The following NTRK2 variants were observed in gnomAD, a reference collection of about 807,000 sequenced individuals.
The protein encoded by NTRK2 is neurotrophic receptor tyrosine kinase 2.
A neutral mutation model predicts 94.5 loss-of-function variants in NTRK2; 13 were observed. The observed-to-expected ratio is 0.14, with a 90% confidence interval of 0.09 to 0.22. NTRK2 has a LOEUF of 0.22. Ranked by LOEUF, NTRK2 falls within the 10% of genes least tolerant of loss-of-function variation. The pLI, the probability that NTRK2 is intolerant of heterozygous loss-of-function variation, is 1.00. For missense variants in NTRK2, 639 were observed against 1,071.2 expected (o/e 0.60, Z 5.63); for synonymous variants, 372 against 407.4 (o/e 0.91, Z 1.05).
intron 17 of NTRK2, among the ~76,000 whole-genome samples, chr9:85,000,860 T>C (rs1288357210): frequency 6.6e-6 from 1 of 152,232 alleles, no homozygotes; most frequent in Non-Finnish European, 1.5e-5. Flanking sequence ...AATGGCTGTA[T>C]CATTTTGCAT....
intron 12 of NTRK2, chr9:84,811,476 CCA>C: frequency 9.4e-7 from 1 of 1,065,656 alleles, no homozygotes; most frequent in Non-Finnish European, 1.1e-6. Context: ...CCTCTGCGAT[CCA>C]CCTGCTTTTT....
chr9:85,007,014 A>G (rs909146802), intron 17 of NTRK2, among the ~76,000 whole-genome samples: 3 of 152,228 alleles, frequency 2.0e-5, no homozygotes, highest in Non-Finnish European at 2.9e-5. Context: ...GGGCAACCAC[A>G]TACAATCCAT....
At chr9:84,762,216 A>G (rs567734077) in intron 12 of NTRK2, among the ~76,000 whole-genome samples, 1 of 152,306 alleles carries the variant, frequency 6.6e-6, no homozygotes, top group South Asian at 2.1e-4. Context: ...CAGCATGAGA[A>G]CAGACTAATA....
intron 2 of NTRK2, among the ~76,000 whole-genome samples, chr9:84,684,777 G>T (rs2059607948): frequency 6.6e-6 from 1 of 152,088 alleles, no homozygotes; most frequent in African/African-American, 2.4e-5. Flanking sequence ...TCGTATGTTT[G>T]TAAGTCATTG....
chr9:84,988,899 A>G (rs1470332019), intron 17 of NTRK2, among the ~76,000 whole-genome samples: 3 of 152,252 alleles, frequency 2.0e-5, no homozygotes, highest in Non-Finnish European at 4.4e-5. Flanking sequence ...GGAGTGGCTT[A>G]TCTGACTACA....
chr9:84,891,883 C>T (rs1268835261), intron 14 of NTRK2, among the ~76,000 whole-genome samples: 2 of 151,648 alleles, frequency 1.3e-5, no homozygotes, highest in South Asian at 2.1e-4. Flanking sequence ...ATATAGTCTG[C>T]TTAATAAAAT....
At chr9:84,723,769 A>C (rs1178194390) in intron 7 of NTRK2, 60 bp downstream of exon 7, 2 of 1,602,010 alleles carry the variant, frequency 1.2e-6, no homozygotes, top group East Asian at 4.5e-5. Context: ...GAATGCGAGA[A>C]TGTATTAAAC....
chr9:84,788,086 A>C (rs996160923), intron 12 of NTRK2, among the ~76,000 whole-genome samples: 2 of 152,226 alleles, frequency 1.3e-5, no homozygotes, highest in African/African-American at 4.8e-5. Context: ...GCCATGTATC[A>C]GGTATTACTA....
At chr9:84,874,453 A>C in intron 14 of NTRK2, 1 of 1,065,840 alleles carries the variant, frequency 9.4e-7, no homozygotes, top group Non-Finnish European at 1.1e-6. Flanking sequence ...GCTTCTTCTC[A>C]GATTAATTGT....
At chr9:84,939,303 A>G (rs2078324899) in intron 15 of NTRK2, among the ~76,000 whole-genome samples, 1 of 152,218 alleles carries the variant, frequency 6.6e-6, no homozygotes, top group East Asian at 1.9e-4. Context: ...TTGCCAATGA[A>G]GAAACAGGAA....
intron 14 of NTRK2, among the ~76,000 whole-genome samples, chr9:84,878,847 C>A (rs2076168912): frequency 6.6e-6 from 1 of 152,082 alleles, no homozygotes; most frequent in South Asian, 2.1e-4. Flanking sequence ...AACCTCTGGC[C>A]TTTGCAAAGC....
intron 17 of NTRK2, among the ~76,000 whole-genome samples, chr9:84,987,892 G>A (rs1173400565): frequency 6.6e-6 from 1 of 152,136 alleles, no homozygotes; most frequent in African/African-American, 2.4e-5. Flanking sequence ...ATATTTGCCT[G>A]TTCTTCAATG....
chr9:84,727,585 C>A, intron 8 of NTRK2, 69 bp from the exon 9 acceptor site: 1 of 1,463,512 alleles, frequency 6.8e-7, no homozygotes, highest in Non-Finnish European at 9.5e-7. Context: ...CTATCAATGA[C>A]ACAGACATCT....
chr9:84,981,130 G>A (rs1167229113), intron 17 of NTRK2, among the ~76,000 whole-genome samples: 1 of 152,204 alleles, frequency 6.6e-6, no homozygotes. Flanking sequence ...GCCCAGGCTA[G>A]AGTACAGTGG....
intron 14 of NTRK2, among the ~76,000 whole-genome samples, chr9:84,895,621 C>A (rs1244674201): frequency 1.3e-5 from 2 of 152,170 alleles, no homozygotes; most frequent in African/African-American, 4.8e-5. Flanking sequence ...AGAGGGAAGT[C>A]CTGTTGAACC....
intron 17 of NTRK2, among the ~76,000 whole-genome samples, chr9:84,995,331 A>G (rs984376496): frequency 1.3e-5 from 2 of 152,064 alleles, no homozygotes; most frequent in African/African-American, 4.8e-5. Context: ...GGTAGAATTT[A>G]AGGGAAAAAA....
chr9:84,887,548 T>C (rs2076455884), intron 14 of NTRK2, among the ~76,000 whole-genome samples: 1 of 152,206 alleles, frequency 6.6e-6, no homozygotes, highest in African/African-American at 2.4e-5. Context: ...AAAAACGATG[T>C]GAGTTTCTAG....
chr9:84,833,271 C>G (rs1409457499), intron 12 of NTRK2, among the ~76,000 whole-genome samples: 1 of 151,316 alleles, frequency 6.6e-6, no homozygotes, highest in Non-Finnish European at 1.5e-5. Context: ...AATATCCATG[C>G]CTGGGATCCA....
intron 10 of NTRK2, 68 bp from the exon 11 acceptor site, chr9:84,744,905 G>T: frequency 9.7e-7 from 1 of 1,034,946 alleles, no homozygotes; most frequent in Middle Eastern, 2.0e-4. Flanking sequence ...TCTTACTGTG[G>T]CCCTGTGTTT....
Sources: allele counts gnomAD v4.1 joint callset (sites outside exome capture counted in the v4.1 genomes callset), GRCh38; gene constraint gnomAD v4.1.1; transcripts MANE v1.5; gene names NCBI Gene and HGNC (gene_info 2026-07-23, HGNC 2026-07-21).